Variants in B3GALT1 observed in about 807,000 individuals in gnomAD.
The protein encoded by B3GALT1 is beta-1,3-galactosyltransferase 1, also known as UDP-Gal:betaGlcNAc beta 1,3-galactosyltransferase, polypeptide 1.
Under a neutral mutation model 23.2 loss-of-function variants are expected in B3GALT1, and 10 were observed. The observed-to-expected ratio is 0.43, with a 90% confidence interval of 0.27 to 0.73. The LOEUF (loss-of-function observed/expected upper bound fraction) is 0.73. Among genes scored for constraint, B3GALT1 ranks in the 30% least tolerant of loss-of-function variants. The probability of loss-of-function intolerance (pLI) is 0.21; values close to 1 mark genes in which losing one functional copy is unlikely to be tolerated. For missense variants in B3GALT1, 299 were observed against 405.4 expected, an observed-to-expected ratio of 0.74 and a Z score of 2.25; for synonymous variants, 156 against 141.5, an observed-to-expected ratio of 1.10 and a Z score of -0.73.
chr2:167,611,248 A>G (rs1306200137), intron 2 of B3GALT1, among the ~76,000 whole-genome samples: 3 of 151,984 alleles, frequency 2.0e-5, no homozygotes, highest in Non-Finnish European at 4.4e-5. Flanking sequence ...AAGTTGCTTC[A>G]CCAATCATAT....
At chr2:167,778,740 A>G (rs1470503921) in intron 3 of B3GALT1, among the ~76,000 whole-genome samples, 1 of 152,240 alleles carries the variant, frequency 6.6e-6, no homozygotes, top group Non-Finnish European at 1.5e-5. Context: ...GGAAAAAACA[A>G]CTTGTTTATG....
intron 2 of B3GALT1, among the ~76,000 whole-genome samples, chr2:167,640,926 A>G (rs1164337854): frequency 6.6e-6 from 1 of 152,132 alleles, no homozygotes; most frequent in Non-Finnish European, 1.5e-5. Flanking sequence ...ATAAAATTTT[A>G]TATATTGAGC....
intron 2 of B3GALT1, among the ~76,000 whole-genome samples, chr2:167,547,878 A>G (rs908551250): frequency 1.3e-5 from 2 of 152,080 alleles, no homozygotes; most frequent in East Asian, 3.9e-4. Flanking sequence ...CATATCAACA[A>G]TCTCTAAATG....
intron 2 of B3GALT1, among the ~76,000 whole-genome samples, chr2:167,501,623 G>A (rs1445234889): frequency 6.9e-6 from 1 of 145,136 alleles, no homozygotes; most frequent in African/African-American, 2.5e-5. Flanking sequence ...TAGTTGTAAT[G>A]TAAATATAAA....
intron 2 of B3GALT1, among the ~76,000 whole-genome samples, chr2:167,510,818 G>A (rs1474332475): frequency 6.6e-6 from 1 of 152,116 alleles, no homozygotes. Flanking sequence ...ATGTCAGTTA[G>A]ATAATTAACT....
intron 4 of B3GALT1, among the ~76,000 whole-genome samples, chr2:167,856,176 C>T (rs1689996729): frequency 6.6e-6 from 1 of 152,132 alleles, no homozygotes; most frequent in Admixed American, 6.5e-5. Context: ...TATATGCCTA[C>T]TAAGTTTGTC....
At chr2:167,725,944 G>A (rs1434767435) in intron 3 of B3GALT1, among the ~76,000 whole-genome samples, 1 of 152,284 alleles carries the variant, frequency 6.6e-6, no homozygotes, top group East Asian at 1.9e-4. Flanking sequence ...CAGATATTAT[G>A]CCACTGCTGA....
chr2:167,410,777 G>A (rs182909484), intron 1 of B3GALT1, among the ~76,000 whole-genome samples: 49 of 152,084 alleles, frequency 3.2e-4, no homozygotes, highest in African/African-American at 1.0e-3. Flanking sequence ...AGCTCCAAAA[G>A]CACAGAACTA....
chr2:167,739,436 G>A (rs755084354), intron 3 of B3GALT1, among the ~76,000 whole-genome samples: 6 of 152,158 alleles, frequency 3.9e-5, no homozygotes, highest in African/African-American at 7.2e-5. Flanking sequence ...ATAGTGCCAA[G>A]GTCAAAGATT....
chr2:167,780,399 G>A (rs529064531), intron 3 of B3GALT1, among the ~76,000 whole-genome samples: 1 of 152,230 alleles, frequency 6.6e-6, no homozygotes, highest in South Asian at 2.1e-4. Flanking sequence ...CTCTGCAAGG[G>A]CCACTGAAAT....
intron 2 of B3GALT1, among the ~76,000 whole-genome samples, chr2:167,558,773 C>T (rs921836041): frequency 3.9e-5 from 6 of 152,338 alleles, no homozygotes; most frequent in Admixed American, 1.3e-4. Context: ...CCACCATTGC[C>T]CAGGCTTGCT....
At chr2:167,595,935 C>T (rs1230260246) in intron 2 of B3GALT1, among the ~76,000 whole-genome samples, 4 of 152,184 alleles carry the variant, frequency 2.6e-5, no homozygotes, top group African/African-American at 7.2e-5. Context: ...ACTTTATCTT[C>T]TTACCACCTA....
chr2:167,713,560 C>T (rs1191954400), intron 3 of B3GALT1: 4 of 768,458 alleles, frequency 5.2e-6, no homozygotes, highest in Non-Finnish European at 8.6e-6. Flanking sequence ...CATTAAACTT[C>T]AATTTGAGAA....
intron 4 of B3GALT1, among the ~76,000 whole-genome samples, chr2:167,825,462 ACGTGTGTG>A (rs1375211943): frequency 7.3e-5 from 10 of 137,254 alleles, no homozygotes; most frequent in Middle Eastern, 3.4e-3. Flanking sequence ...GTGTGCGTGC[ACGTGTGTG>A]TGTGTGTTAT....
chr2:167,381,984 C>T (rs1022128628), intron 1 of B3GALT1, among the ~76,000 whole-genome samples: 2 of 152,176 alleles, frequency 1.3e-5, no homozygotes, highest in African/African-American at 4.8e-5. Flanking sequence ...GTAACCAGTG[C>T]TGCCAACTGT....
At chr2:167,688,295 A>G (rs1164730928) in intron 3 of B3GALT1, among the ~76,000 whole-genome samples, 1 of 152,168 alleles carries the variant, frequency 6.6e-6, no homozygotes, top group Non-Finnish European at 1.5e-5. Context: ...GAAAAAGACA[A>G]TCAATAGATA....
intron 3 of B3GALT1, among the ~76,000 whole-genome samples, chr2:167,763,562 C>T (rs890744648): frequency 1.3e-5 from 2 of 151,726 alleles, no homozygotes; most frequent in Non-Finnish European, 2.9e-5. Context: ...TATGGTGGCA[C>T]GCACCTGTAA....
intron 4 of B3GALT1, among the ~76,000 whole-genome samples, chr2:167,833,049 G>T (rs1689383766): frequency 6.6e-6 from 1 of 152,166 alleles, no homozygotes; most frequent in Admixed American, 6.5e-5. Context: ...CAGTGTGATT[G>T]GTTTCTTAAG....
rs560037218 is a variant in B3GALT1 at position 167,436,719 on chromosome 2, C to T, written c.-510-53458C>T. Among the ~76,000 whole-genome samples the T allele has an allele frequency of 1.2e-4, 18 of 152,132 alleles. No individual in the cohort carries two copies. In the East Asian group the frequency reaches 1.5e-3, roughly 13 times the overall value. On this transcript the variant is annotated intron_variant, in intron 1 of 4. Transcript: ENST00000392690. ...ATCCATACCACCCTAATACAAGATA[C>T]GGTGTGGGCTTCCAGTAGTCATCTA... is the stretch of plus-strand genomic sequence containing the variant.
Sources: allele counts gnomAD v4.1 joint callset (sites outside exome capture counted in the v4.1 genomes callset), GRCh38; gene constraint gnomAD v4.1.1; transcripts MANE v1.5; gene names NCBI Gene and HGNC (gene_info 2026-07-23, HGNC 2026-07-21).